The following ARHGAP25 variants were observed in gnomAD, a reference collection of about 807,000 sequenced individuals.
ARHGAP25 encodes Rho GTPase activating protein 25, also known as rho GTPase-activating protein 25.
ARHGAP25 carries 34 observed loss-of-function variants against 71.0 expected under a neutral mutation model. The ratio of observed to expected loss-of-function variants is 0.48; its 90% CI spans 0.36 to 0.64. The LOEUF (loss-of-function observed/expected upper bound fraction) is 0.64, where lower values mean the gene tolerates loss of function less well. ARHGAP25 is among the 30% of genes least tolerant of loss of function. The pLI is 0.00. For synonymous variants in ARHGAP25, 282 were observed against 296.5 expected (o/e 0.95, Z 0.50); for missense variants, 706 against 805.1 (o/e 0.88, Z 1.49).
At chr2:68,797,286 T>C (rs755397531) in intron 4 of ARHGAP25, among the ~76,000 whole-genome samples, 9 of 152,138 alleles carry the variant, frequency 5.9e-5, no homozygotes, top group Non-Finnish European at 1.3e-4. Context: ...TGTCCTGAAG[T>C]CTTAGGATAG....
chr2:68,805,624 A>T (rs747643173), intron 4 of ARHGAP25, among the ~76,000 whole-genome samples: 1 of 152,086 alleles, frequency 6.6e-6, no homozygotes, highest in South Asian at 2.1e-4. Flanking sequence ...GGTTTCGAAC[A>T]TGATAGAGAG....
intron 1 of ARHGAP25, among the ~76,000 whole-genome samples, chr2:68,760,438 C>G (rs1371708378): frequency 3.9e-5 from 6 of 151,918 alleles, no homozygotes; most frequent in Non-Finnish European, 7.4e-5. Context: ...TGCAGAAAAT[C>G]CTAAGGATTC....
intron 1 of ARHGAP25, among the ~76,000 whole-genome samples, chr2:68,761,221 A>G (rs1157093765): frequency 2.6e-5 from 4 of 152,082 alleles, no homozygotes; most frequent in Non-Finnish European, 4.4e-5. Context: ...ACCTAATACC[A>G]TATACAAAAA....
At chr2:68,732,486 G>A (rs573886231), upstream of ARHGAP25, among the ~76,000 whole-genome samples, 7 of 152,336 alleles carry the variant, frequency 4.6e-5, no homozygotes, top group South Asian at 1.5e-3. Flanking sequence ...GTTGGGATAC[G>A]AAAAAGAGCA....
At chr2:68,782,069 C>T (rs1033172589) in intron 2 of ARHGAP25, among the ~76,000 whole-genome samples, 164 bp from the exon 3 acceptor site, 1 of 152,200 alleles carries the variant, frequency 6.6e-6, no homozygotes, top group Non-Finnish European at 1.5e-5. Context: ...TGCCCAAGGC[C>T]TGAGTAGCAG....
intron 1 of ARHGAP25, among the ~76,000 whole-genome samples, chr2:68,741,360 T>G (rs1357480717): frequency 1.3e-5 from 2 of 152,186 alleles, no homozygotes; most frequent in Non-Finnish European, 2.9e-5. Flanking sequence ...TAACTTTGTC[T>G]TCTTTGAGGG....
At chr2:68,710,594 G>C (rs4854442) in exon 2 of ARHGAP25, 35,730 of 152,108 alleles carry the variant, frequency 0.23, 4,451 homozygotes, top group East Asian at 0.37. Flanking sequence ...TCCAGCTAAA[G>C]GACACACTCA....
intron 4 of ARHGAP25, among the ~76,000 whole-genome samples, chr2:68,802,092 A>G (rs570569490): frequency 6.6e-6 from 1 of 152,234 alleles, no homozygotes; most frequent in South Asian, 2.1e-4. Context: ...GGGAATAGGG[A>G]GCTTGTTTAA....
At chr2:68,758,897 C>G (rs565756043) in intron 1 of ARHGAP25, among the ~76,000 whole-genome samples, 1 of 151,954 alleles carries the variant, frequency 6.6e-6, no homozygotes, top group African/African-American at 2.4e-5. Context: ...AGGTATCGTA[C>G]AAAGTATCTT....
intron 8 of ARHGAP25, 130 bp from the exon 9 acceptor site, chr2:68,818,993 A>G (rs1681437084): frequency 2.7e-6 from 2 of 738,048 alleles, no homozygotes. Context: ...TCTTTTGAGA[A>G]GCAAAATGAG....
At chr2:68,818,790 C>T (rs1358122783) in intron 8 of ARHGAP25, among the ~76,000 whole-genome samples, 1 of 152,262 alleles carries the variant, frequency 6.6e-6, no homozygotes, top group Admixed American at 6.5e-5. Flanking sequence ...AACCAGATAT[C>T]ATATTGAGGA....
chr2:68,795,978 A>C (rs1679510918), intron 4 of ARHGAP25, among the ~76,000 whole-genome samples: 1 of 152,094 alleles, frequency 6.6e-6, no homozygotes, highest in African/African-American at 2.4e-5. Context: ...TTGTTATATC[A>C]GTTCATTTAT....
intron 1 of ARHGAP25, among the ~76,000 whole-genome samples, chr2:68,773,883 G>A (rs1425102612): frequency 6.6e-6 from 1 of 152,166 alleles, no homozygotes; most frequent in African/African-American, 2.4e-5. Context: ...GTTTGCGTAT[G>A]TTTGTTTAAT....
chr2:68,759,677 C>G (rs1185579380), intron 1 of ARHGAP25, among the ~76,000 whole-genome samples: 1 of 151,952 alleles, frequency 6.6e-6, no homozygotes, highest in Non-Finnish European at 1.5e-5. Context: ...GAACTAATAC[C>G]AGTCGCTTTG....
At chr2:68,756,604 A>T (rs981722578) in intron 1 of ARHGAP25, among the ~76,000 whole-genome samples, 4 of 152,140 alleles carry the variant, frequency 2.6e-5, no homozygotes, top group African/African-American at 9.7e-5. Flanking sequence ...ACCTAAGAAG[A>T]CTCTTAAGTG....
At chr2:68,766,934 T>C (rs1677160902) in intron 1 of ARHGAP25, among the ~76,000 whole-genome samples, 1 of 152,236 alleles carries the variant, frequency 6.6e-6, no homozygotes, top group African/African-American at 2.4e-5. Context: ...AAGCAGATTC[T>C]TTTCCTTTAG....
chr2:68,791,947 G>A (rs1372520014), intron 4 of ARHGAP25, among the ~76,000 whole-genome samples: 1 of 152,166 alleles, frequency 6.6e-6, no homozygotes, highest in Non-Finnish European at 1.5e-5. Context: ...CTAAGGGCTT[G>A]TGACTTCTGA....
chr2:68,717,095 T>TA (rs966513603), intron 2 of ARHGAP25, among the ~76,000 whole-genome samples: 88 of 152,348 alleles, frequency 5.8e-4, no homozygotes, highest in African/African-American at 1.9e-3. Flanking sequence ...GGTACACACC[T>TA]AGGCCATATG....
At chr2:68,740,568 G>T (rs1009992911) in intron 1 of ARHGAP25, among the ~76,000 whole-genome samples, 2 of 152,024 alleles carry the variant, frequency 1.3e-5, no homozygotes, top group Non-Finnish European at 2.9e-5. Context: ...CCCATGCTTT[G>T]GTCACAATGT....
Sources: gnomAD v4.1 joint callset for allele counts (sites outside exome capture counted in the v4.1 genomes callset) on GRCh38, gnomAD v4.1.1 for gene constraint, MANE v1.5 for transcripts, NCBI Gene and HGNC (gene_info 2026-07-23, HGNC 2026-07-21) for gene names.